STK3: variants seen among roughly 807,000 people sequenced by gnomAD.
STK3 encodes the protein serine/threonine-protein kinase 3.
A neutral mutation model predicts 58.0 loss-of-function variants in STK3; 41 were observed. The observed-to-expected ratio is 0.71, with a 90% CI of 0.55 to 0.92. STK3 has a LOEUF of 0.92. Ranked by LOEUF, STK3 falls within the 40% of genes least tolerant of loss-of-function variation. The probability of loss-of-function intolerance (pLI) is 0.00; values close to 1 mark genes in which losing one functional copy is unlikely to be tolerated. For synonymous variants in STK3, 170 were observed against 191.0 expected, an observed-to-expected ratio of 0.89 and a Z score of 0.91; for missense variants, 479 against 602.7, an observed-to-expected ratio of 0.79 and a Z score of 2.15.
intron 10 of STK3, among the ~76,000 whole-genome samples, chr8:98,516,456 A>G (rs925072073): frequency 2.6e-5 from 4 of 152,020 alleles, no homozygotes; most frequent in African/African-American, 9.7e-5. Context: ...TTTGAAGAAT[A>G]TTTTTTCTAG....
chr8:98,850,615 C>T (rs954821669), intron 3 of STK3, among the ~76,000 whole-genome samples: 2 of 152,032 alleles, frequency 1.3e-5, no homozygotes, highest in African/African-American at 4.8e-5. Flanking sequence ...AAGGGAATTT[C>T]GGGTGTTGGA....
downstream of STK3, chr8:98,879,516 A>G (rs1338406830): frequency 6.6e-6 from 1 of 152,204 alleles, no homozygotes; most frequent in East Asian, 1.9e-4. Context: ...TGTTATTAAT[A>G]CATTTTACAT....
intron 10 of STK3, among the ~76,000 whole-genome samples, chr8:98,468,784 A>C (rs1232574273): frequency 1.3e-5 from 2 of 152,232 alleles, no homozygotes; most frequent in Non-Finnish European, 2.9e-5. Flanking sequence ...TCAGCATTTT[A>C]GACTGCGCAA....
intron 1 of STK3, among the ~76,000 whole-genome samples, chr8:98,782,792 A>G (rs1162685021): frequency 6.6e-6 from 1 of 152,134 alleles, no homozygotes; most frequent in Non-Finnish European, 1.5e-5. Flanking sequence ...AAAAGATGAA[A>G]TCATTTGAAA....
At chr8:98,467,706 C>T (rs1296224030) in intron 10 of STK3, among the ~76,000 whole-genome samples, 1 of 152,078 alleles carries the variant, frequency 6.6e-6, no homozygotes, top group Non-Finnish European at 1.5e-5. Context: ...GTTTATTCTG[C>T]ATGTCTGATG....
intron 3 of STK3, among the ~76,000 whole-genome samples, chr8:98,867,332 T>C (rs1263193098): frequency 6.6e-6 from 1 of 152,178 alleles, no homozygotes; most frequent in Non-Finnish European, 1.5e-5. Context: ...GAGGATCACT[T>C]GAGCCTGGGA....
chr8:98,399,215 T>C (rs1817922067), downstream of STK3, among the ~76,000 whole-genome samples: 1 of 152,238 alleles, frequency 6.6e-6, no homozygotes, highest in African/African-American at 2.4e-5. Context: ...GATTGAATCA[T>C]GCTGAAGTTT....
At chr8:98,731,259 G>A (rs951621532) in intron 4 of STK3, among the ~76,000 whole-genome samples, 1 of 152,134 alleles carries the variant, frequency 6.6e-6, no homozygotes, top group African/African-American at 2.4e-5. Flanking sequence ...GGTAGGGAGA[G>A]CAAGAGGGAA....
intron 4 of STK3, among the ~76,000 whole-genome samples, chr8:98,740,314 G>C (rs1472420782): frequency 1.3e-5 from 2 of 152,170 alleles, no homozygotes; most frequent in African/African-American, 4.8e-5. Flanking sequence ...AAGTTAAAAT[G>C]AAGGAAAAAA....
intron 3 of STK3, among the ~76,000 whole-genome samples, chr8:98,873,680 T>C (rs549722383): frequency 6.6e-6 from 1 of 151,856 alleles, no homozygotes; most frequent in South Asian, 2.1e-4. Context: ...TTTTTTTTTG[T>C]TTTCCATTTG....
intron 10 of STK3, among the ~76,000 whole-genome samples, chr8:98,512,236 C>A (rs1477976620): frequency 6.6e-6 from 1 of 151,568 alleles, no homozygotes; most frequent in Non-Finnish European, 1.5e-5. Context: ...TTTAAAACAA[C>A]CTTTAGCTTG....
At chr8:98,855,154 G>C (rs1836622937) in intron 3 of STK3, among the ~76,000 whole-genome samples, 1 of 152,158 alleles carries the variant, frequency 6.6e-6, no homozygotes, top group African/African-American at 2.4e-5. Flanking sequence ...TGACAGCTTT[G>C]AACAAATCTA....
chr8:98,679,116 C>T (rs575059085), intron 6 of STK3, among the ~76,000 whole-genome samples: 30 of 152,336 alleles, frequency 2.0e-4, no homozygotes, highest in African/African-American at 5.3e-4. Context: ...CGTCATCTCT[C>T]GGTTTATGCA....
At chr8:98,604,249 C>T (rs1220500562) in intron 6 of STK3, among the ~76,000 whole-genome samples, 2 of 152,194 alleles carry the variant, frequency 1.3e-5, no homozygotes, top group African/African-American at 4.8e-5. Flanking sequence ...ATGTGTTAGA[C>T]ACTGTATTTT....
intron 1 of STK3, among the ~76,000 whole-genome samples, chr8:98,443,989 G>T (rs1302224886): frequency 6.6e-6 from 1 of 152,056 alleles, no homozygotes; most frequent in Non-Finnish European, 1.5e-5. Flanking sequence ...TTTAAATCAC[G>T]TTTATTTTAC....
intron 3 of STK3, among the ~76,000 whole-genome samples, chr8:98,848,619 A>G (rs1486009486): frequency 2.0e-5 from 3 of 152,130 alleles, no homozygotes; most frequent in South Asian, 2.1e-4. Flanking sequence ...GTGCTTTGTG[A>G]CTGGCTTCTT....
intron 8 of STK3, among the ~76,000 whole-genome samples, chr8:98,568,737 T>C (rs541825064): frequency 7.9e-5 from 12 of 151,976 alleles, no homozygotes; most frequent in African/African-American, 2.9e-4. Context: ...AATAGCAAGT[T>C]TGGAAGATAA....
At chr8:98,749,198 A>G in intron 4 of STK3, 78 bp downstream of exon 4, 5 of 1,128,650 alleles carry the variant, frequency 4.4e-6, no homozygotes, top group Non-Finnish European at 6.5e-6. Flanking sequence ...TTTTCTGTGT[A>G]ACAAAATACC....
chr8:98,914,730 T>A (rs1278280632), intron 1 of STK3, among the ~76,000 whole-genome samples: 1 of 152,176 alleles, frequency 6.6e-6, no homozygotes, highest in Non-Finnish European at 1.5e-5. Context: ...CTTGGGGGCA[T>A]GTAAGAGCTA....
Sources: allele counts gnomAD v4.1 joint callset (sites outside exome capture counted in the v4.1 genomes callset), GRCh38; gene constraint gnomAD v4.1.1; transcripts MANE v1.5; gene names NCBI Gene and HGNC (gene_info 2026-07-23, HGNC 2026-07-21).